PARP4: variants seen among roughly 807,000 people sequenced by gnomAD.
PARP4 encodes the protein protein mono-ADP-ribosyltransferase PARP4.
In PARP4, 120 loss-of-function variants were observed where a neutral mutation model predicts 187.7. The observed-to-expected ratio is 0.64, with a 90% CI of 0.55 to 0.74. PARP4 has a LOEUF of 0.74. Ranked by LOEUF, PARP4 falls within the 30% of genes least tolerant of loss-of-function variation. PARP4 has a pLI of 0.00. For missense variants in PARP4, 1,836 were observed against 2,070.5 expected (o/e 0.89, Z 2.20); for synonymous variants, 654 against 740.9 (o/e 0.88, Z 1.90).
intron 1 of PARP4, among the ~76,000 whole-genome samples, chr13:24,506,015 C>T (rs990670004): frequency 2.6e-5 from 4 of 152,224 alleles, no homozygotes; most frequent in Admixed American, 6.5e-5. Context: ...CTCCTACAGG[C>T]CAGAGGCCCC....
rs2137423130 is a variant in PARP4 at position 24,421,114 on chromosome 13, T to C, written c.*5A>G. ...CAAAAAGTTTAAAATTCAGTTTCAT[T>C]TGACTTAGCCTTGACTGTAATGGAG... On this transcript the variant is annotated 3_prime_UTR_variant, in exon 34 of 34. Coordinates refer to ENST00000381989, the MANE Select transcript of PARP4 (RefSeq NM_006437.4). The C allele has an allele frequency of 2.2e-6, 3 of 1,368,636 alleles. No individual in the cohort carries two copies. Among genetic ancestry groups the C allele is most frequent in the South Asian group, 1.5e-5 (1 of 66,928 alleles). The allele number at this position is 1,368,636 out of a possible 1,614,324, so 84.8% of individuals were successfully genotyped here.
At chr13:24,505,618 C>G (rs574343725) in intron 1 of PARP4, among the ~76,000 whole-genome samples, 2 of 152,100 alleles carry the variant, frequency 1.3e-5, no homozygotes, top group South Asian at 4.1e-4. Context: ...TTTGTGCTAA[C>G]GCTGGGTTCA....
intron 30 of PARP4, among the ~76,000 whole-genome samples, chr13:24,437,195 A>G (rs1002809756): frequency 1.3e-5 from 2 of 152,194 alleles, no homozygotes; most frequent in Non-Finnish European, 2.9e-5. Context: ...CATATCTCTT[A>G]TCCTATGCTA....
At chr13:24,455,324 A>C in intron 21 of PARP4, 112 bp from the exon 22 acceptor site, 1 of 611,452 alleles carries the variant, frequency 1.6e-6, no homozygotes, top group Non-Finnish European at 2.7e-6. Flanking sequence ...CTATAAAAAC[A>C]GAAAGAATAA....
At chr13:24,476,307 A>G (rs1161447902) in intron 14 of PARP4, among the ~76,000 whole-genome samples, 2 of 152,122 alleles carry the variant, frequency 1.3e-5, no homozygotes, top group African/African-American at 4.8e-5. Context: ...TGTCCTCCTG[A>G]AAACACAGCA....
chr13:24,422,140 T>G (rs1869780934), intron 33 of PARP4, among the ~76,000 whole-genome samples: 1 of 152,192 alleles, frequency 6.6e-6, no homozygotes, highest in Non-Finnish European at 1.5e-5. Context: ...TCACATGATA[T>G]TGGCCATGTG....
intron 17 of PARP4, among the ~76,000 whole-genome samples, chr13:24,468,006 G>GA (rs36066912): frequency 0.52 from 78,874 of 151,744 alleles, 20,676 homozygotes; most frequent in South Asian, 0.65. Flanking sequence ...TTACCCCTTT[G>GA]TCTATATTAA....
intron 2 of PARP4, among the ~76,000 whole-genome samples, chr13:24,502,500 C>T (rs1205688909): frequency 6.6e-6 from 1 of 152,240 alleles, no homozygotes; most frequent in Non-Finnish European, 1.5e-5. Context: ...CTACACTATG[C>T]GTAGATACAT....
chr13:24,455,355 G>T, intron 21 of PARP4, 143 bp from the exon 22 acceptor site: 2 of 498,640 alleles, frequency 4.0e-6, no homozygotes, highest in South Asian at 1.0e-4. Context: ...ACAACAAGAT[G>T]GCCTACTAGG....
chr13:24,452,733 AAACTT>A, intron 23 of PARP4, 140 bp from the exon 24 acceptor site: 1 of 621,808 alleles, frequency 1.6e-6, no homozygotes, highest in East Asian at 2.8e-5. Flanking sequence ...TGAAACAACT[AAACTT>A]ATGTCCTTTT....
At chr13:24,438,883 C>T (rs1485072062) in intron 30 of PARP4, among the ~76,000 whole-genome samples, 1 of 152,154 alleles carries the variant, frequency 6.6e-6, no homozygotes, top group African/African-American at 2.4e-5. Context: ...GGAATGACTC[C>T]GTGTAGAATG....
Position 24,469,070 on chromosome 13 carries a change from G to A in PARP4, c.2087C>T (p.Ala696Val). 6 of 1,613,892 alleles carry A rather than the reference G, an allele frequency of 3.7e-6. No individual in the cohort carries two copies. The highest frequency in any genetic ancestry group is 5.1e-6 in the Non-Finnish European group (6 of 1,179,812). Residue 696 changes from alanine to valine, a missense_variant, in exon 17 of 34, where the codon GCC becomes GTC. Physicochemically the swap from Ala to Val is moderately conservative, Grantham distance 64. Transcript: ENST00000381989. ...KEEAQQEYLE[A>V]VTQGHGAYLM... ...GTAAGCGCCATGGCCCTGGGTCACG[G>A]CTTCTAGGTACTCTTGCTGGGCTTC...
rs1164061816 is a variant in PARP4, at chr13:24,500,215, TAAGAAA to T, written c.401+95_401+100del. 1.8e-4 allele frequency: 105 copies of T among 580,388 alleles called. No homozygotes were observed. In the East Asian group the frequency reaches 3.2e-3, roughly 18 times the overall value. 36.0% of individuals were successfully genotyped at this position (580,388 alleles called of 1,614,324 possible). On this transcript the variant is annotated intron_variant, in intron 4 of 33. Coordinates refer to ENST00000381989, the MANE Select transcript of PARP4 (RefSeq NM_006437.4). Reference sequence around the variant, plus strand: ...GTTAGATATGCAAAATAAATTAAAATAAGAAAAAGTCTACAAATAGAATTTTAATAC... The same window carrying T: ...GTTAGATATGCAAAATAAATTAAAATAAGTCTACAAATAGAATTTTAATAC...
At position 24,469,181 on chromosome 13, in the gene PARP4, T is replaced by C. The variant is rs766825334; in HGVS notation, c.2047-71A>G. On this transcript the variant is annotated intron_variant, in intron 16 of 33. Coordinates refer to ENST00000381989, the MANE Select transcript of PARP4 (RefSeq NM_006437.4). ...TCAGGCTTTAATGAAGAAAACAACATCAATGTTTACTAAAACCCAGGCAAA... is the reference window on the plus strand; with the variant it reads ...TCAGGCTTTAATGAAGAAAACAACACCAATGTTTACTAAAACCCAGGCAAA... 3.3e-5 allele frequency: 35 copies of C among 1,068,586 alleles called. No individual in the cohort carries two copies. The Middle Eastern group carries it at 1.5e-3, about 46-fold the overall frequency. The allele number at this position is 1,068,586 out of a possible 1,614,324, so 66.2% of individuals were successfully genotyped here.
chr13:24,451,062 C>A (rs1306578126), intron 24 of PARP4, among the ~76,000 whole-genome samples: 2 of 152,152 alleles, frequency 1.3e-5, no homozygotes, highest in Non-Finnish European at 2.9e-5. Flanking sequence ...CCTTGATTTC[C>A]TCCCTGGCAC....
At chr13:24,505,915 C>T (rs1869623659) in intron 1 of PARP4, among the ~76,000 whole-genome samples, 1 of 152,262 alleles carries the variant, frequency 6.6e-6, no homozygotes, top group South Asian at 2.1e-4. Context: ...GCCCACGCGT[C>T]TTGGGACTAA....
chr13:24,467,053 A>G (rs1039495902), intron 17 of PARP4, among the ~76,000 whole-genome samples: 4 of 152,198 alleles, frequency 2.6e-5, no homozygotes, highest in Non-Finnish European at 5.9e-5. Flanking sequence ...ACAGTACGCT[A>G]TCTAAGTAGT....
At position 24,508,804 on chromosome 13, in the gene PARP4, G is replaced by A. The variant is rs534774547; in HGVS notation, c.-2+3902C>T. On this transcript the variant is annotated intron_variant, in intron 1 of 33. Coordinates refer to ENST00000381989, the MANE Select transcript of PARP4 (RefSeq NM_006437.4). ...GCTGGGATTACAGGCATGAGTCACC[G>A]CACCCAGCCACAGACTGTATTTTTT... is the stretch of plus-strand genomic sequence containing the variant. 3.3e-5 allele frequency among the ~76,000 whole-genome samples: 5 copies of A among 152,058 alleles called. No individual in the cohort carries two copies. In the East Asian group the frequency reaches 5.8e-4, roughly 18 times the overall value.
intron 11 of PARP4, 119 bp downstream of exon 11, chr13:24,486,049 G>A (rs1262079604): frequency 8.7e-6 from 7 of 806,676 alleles, no homozygotes; most frequent in Admixed American, 2.9e-5. Flanking sequence ...AATGCAGTAA[G>A]CTAGCTGATT....
Sources: allele counts gnomAD v4.1 joint callset (sites outside exome capture counted in the v4.1 genomes callset), GRCh38; gene constraint gnomAD v4.1.1; transcripts MANE v1.5; gene names NCBI Gene and HGNC (gene_info 2026-07-23, HGNC 2026-07-21).